MPND: variants seen among roughly 807,000 people sequenced by gnomAD.
MPND encodes the protein MPN domain containing.
Under a neutral mutation model 59.2 loss-of-function variants are expected in MPND, and 56 were observed. That is an observed-to-expected ratio of 0.95 (90% confidence interval 0.76 to 1.18). The LOEUF (loss-of-function observed/expected upper bound fraction) is 1.18, where lower values mean the gene tolerates loss of function less well. MPND is among the 50% of genes most tolerant of loss of function. The pLI is 0.00. For synonymous variants in MPND, 323 were observed against 291.9 expected (o/e 1.11, Z -1.09); for missense variants, 671 against 676.0 (o/e 0.99, Z 0.08).
At chr19:4,358,577 C>T in intron 11 of MPND, 1 of 182,652 alleles carries the variant, frequency 5.5e-6, no homozygotes, top group Non-Finnish European at 1.2e-5. Flanking sequence ...CACCTGAGGT[C>T]AGGAGTTCGA....
chr19:4,351,260 T>C (rs552876409), intron 3 of MPND, among the ~76,000 whole-genome samples: 44 of 152,204 alleles, frequency 2.9e-4, no homozygotes, highest in African/African-American at 1.0e-3. Flanking sequence ...TTCGCCACCA[T>C]GCCTGGCTAA....
chr19:4,346,449 A>G (rs1163421280), intron 3 of MPND, among the ~76,000 whole-genome samples: 1 of 151,480 alleles, frequency 6.6e-6, no homozygotes, highest in African/African-American at 2.4e-5. Flanking sequence ...ACAGGGTCTC[A>G]CTCTGTGGCC....
chr19:4,351,124 G>C (rs1568397060), intron 3 of MPND, among the ~76,000 whole-genome samples: 1 of 152,140 alleles, frequency 6.6e-6, no homozygotes, highest in Non-Finnish European at 1.5e-5. Context: ...TATTTTTGTA[G>C]ACAGAGTCTC....
intron 3 of MPND, 114 bp from the exon 4 acceptor site, chr19:4,352,783 G>C (rs953413470): frequency 9.0e-7 from 1 of 1,106,924 alleles, no homozygotes; most frequent in African/African-American, 1.6e-5. Context: ...TAGTGGTCAT[G>C]TGGGGCAATG....
chr19:4,343,960 AG>A lies in MPND; in HGVS notation c.261del (p.Glu87AspfsTer49). On this transcript the variant is annotated frameshift_variant, in exon 2 of 13. Coordinates refer to ENST00000599840, the MANE Select transcript of MPND (RefSeq NM_001300862.2). LOFTEE classifies it high-confidence loss of function. ...GTGCTCCTCAAAGACGCGCTGCTGG[AG>A]CCTGGCGCCGGGGTGCTGTCCATCT... ...LRVLLKDALL[E>X]PGAGVLSIYY... 7.2e-7 allele frequency: 1 copy of A among 1,385,398 alleles called. No individual in the cohort carries two copies. Among genetic ancestry groups the A allele is most frequent in the Non-Finnish European group, 9.4e-7 (1 of 1,068,824 alleles). 85.8% of individuals were successfully genotyped at this position (1,385,398 alleles called of 1,614,324 possible).
chr19:4,357,690 GC>G, intron 10 of MPND, 105 bp downstream of exon 10: 1 of 1,191,574 alleles, frequency 8.4e-7, no homozygotes, highest in Non-Finnish European at 1.2e-6. Context: ...GAGAGTTGGG[GC>G]CCCAGTTTCT....
chr19:4,354,604 C>A, intron 6 of MPND, 184 bp downstream of exon 6: 1 of 622,272 alleles, frequency 1.6e-6, no homozygotes, highest in South Asian at 1.9e-5. Flanking sequence ...CAGTGGCTCA[C>A]ACCTATAATC....
chr19:4,344,113 C>T lies in MPND; in HGVS notation c.294+119C>T, dbSNP rs1972133139. On this transcript the variant is annotated intron_variant, in intron 2 of 12. Coordinates refer to ENST00000599840, the MANE Select transcript of MPND (RefSeq NM_001300862.2). ...AGGGAGGGGACACTGAGGCCCGGAGCTCCCTTGCTGAGAGACGAGCCCCGG... is the reference window on the plus strand; with the variant it reads ...AGGGAGGGGACACTGAGGCCCGGAGTTCCCTTGCTGAGAGACGAGCCCCGG... The T allele has an allele frequency of 5.3e-6, 4 of 749,758 alleles. No individual in the cohort carries two copies. In the East Asian group the frequency reaches 1.2e-4, roughly 22 times the overall value. 46.4% of individuals were successfully genotyped at this position (749,758 alleles called of 1,614,324 possible). A position where few individuals can be genotyped will look rare whatever the true frequency, so the allele number is the denominator to read the frequency against.
chr19:4,354,155 C>T (rs781297691), intron 5 of MPND, 26 bp downstream of exon 5: 17 of 1,597,398 alleles, frequency 1.1e-5, no homozygotes, highest in Non-Finnish European at 1.2e-5. Context: ...AGTTCTGCCC[C>T]TGCCCCAGCT....
chr19:4,346,108 C>A (rs187516797), intron 3 of MPND, 127 bp downstream of exon 3: 126 of 762,162 alleles, frequency 1.7e-4, no homozygotes, highest in Admixed American at 9.9e-4. Context: ...GCCCTTACCA[C>A]GTGACATGCC....
chr19:4,350,347 C>T (rs1397112453), intron 3 of MPND, among the ~76,000 whole-genome samples: 6 of 151,948 alleles, frequency 3.9e-5, no homozygotes, highest in East Asian at 1.9e-4. Context: ...GGGCTTTGAC[C>T]GGGAGGAAGG....
chr19:4,343,764 G>C lies in MPND; in HGVS notation c.64G>C (p.Glu22Gln). 2 of 1,209,562 alleles carry C rather than the reference G, an allele frequency of 1.7e-6. No individual in the cohort carries two copies. The highest frequency in any genetic ancestry group is 3.4e-5 in the East Asian group (1 of 29,106). 74.9% of individuals were successfully genotyped at this position (1,209,562 alleles called of 1,614,324 possible). The change falls in exon 2 of 13, where the codon GAG becomes CAG. Residue 22 changes from glutamate (E) to glutamine (Q), a missense_variant. Glu to Gln is a conservative substitution (Grantham distance 29). Transcript: ENST00000599840. ...GGGCGAGGAGGCGCCGGAGGAGGAC[G>C]AGGACGAAGCGGAGGCCGAGGACCC... is the stretch of plus-strand genomic sequence containing the variant. ...GAGEEAPEED[E>Q]DEAEAEDPER...
At position 4,346,091 on chromosome 19, in the gene MPND, G is replaced by A; in HGVS notation, c.531+110G>A. 5 of 910,772 alleles carry A rather than the reference G, an allele frequency of 5.5e-6. No individual in the cohort carries two copies. The Admixed American group carries it at 7.1e-5, about 13-fold the overall frequency. The allele number at this position is 910,772 out of a possible 1,614,324, so 56.4% of individuals were successfully genotyped here. ...AGGTATTAGTAATATATACAAACAC[G>A]GATGGAGCCCTTACCACGTGACATG... On this transcript the variant is annotated intron_variant, in intron 3 of 12. Coordinates refer to ENST00000599840, the MANE Select transcript of MPND (RefSeq NM_001300862.2).
chr19:4,347,167 G>A (rs1369755299), intron 3 of MPND: 10 of 151,028 alleles, frequency 6.6e-5, no homozygotes, highest in African/African-American at 1.9e-4. Flanking sequence ...TGTTTTTGCT[G>A]TTATCGCCTT....
At chr19:4,356,372 C>T (rs573289738) in intron 8 of MPND, among the ~76,000 whole-genome samples, 3 of 152,060 alleles carry the variant, frequency 2.0e-5, no homozygotes, top group Admixed American at 1.3e-4. Context: ...AGCAAGACCC[C>T]GTCTCTACAA....
chr19:4,349,613 C>T (rs931343681), intron 3 of MPND, among the ~76,000 whole-genome samples: 10 of 151,960 alleles, frequency 6.6e-5, no homozygotes, highest in Non-Finnish European at 1.3e-4. Flanking sequence ...TGGGTTCAGG[C>T]GATTCTCCTG....
In MPND at chr19:4,359,213, G is replaced by A. The variant is rs1397556015; in HGVS notation, c.1377G>A (p.Gln459=). 6.2e-7 allele frequency: 1 copy of A among 1,613,268 alleles called. No individual in the cohort carries two copies. Among genetic ancestry groups the A allele is most frequent in the African/African-American group, 1.3e-5 (1 of 74,862 alleles). Residue 459 remains glutamine (Q), a synonymous_variant, in exon 12 of 13, where the codon CAG becomes CAA. Transcript: ENST00000599840. The stretch of plus-strand genomic sequence containing the variant: ...GTTCCCCTGACCTCGTGAGGCTCCA[G>A]GAACCCTGGAGCCAGGAGCACACCT... ...YKGSPDLVRL[Q]EPWSQEHTYL... is the part of the protein sequence containing the mutation.
chr19:4,354,217 G>T (rs1176223138), intron 5 of MPND, 88 bp downstream of exon 5: 20 of 1,513,876 alleles, frequency 1.3e-5, no homozygotes, highest in Non-Finnish European at 1.6e-5. Context: ...GTGGGGGGTG[G>T]GACAGAGCCT....
At position 4,352,883 on chromosome 19, in the gene MPND, C is replaced by T; in HGVS notation, c.532-14C>T. 1.5e-6 allele frequency: 2 copies of T among 1,359,946 alleles called. No homozygotes were observed. Among genetic ancestry groups the T allele is most frequent in the Non-Finnish European group, 1.9e-6 (2 of 1,046,992 alleles). The allele number at this position is 1,359,946 out of a possible 1,614,324, so 84.2% of individuals were successfully genotyped here. On this transcript the variant is annotated splice_polypyrimidine_tract_variant and intron_variant, in intron 3 of 12. Coordinates refer to ENST00000599840, the MANE Select transcript of MPND (RefSeq NM_001300862.2). The stretch of plus-strand genomic sequence containing the variant: ...GAGGGTCCCACCGCTGTCCCTGACC[C>T]CTAACCCCTGCAGAGCCCAGCCAGT...
Sources: gnomAD v4.1 joint callset for allele counts (sites outside exome capture counted in the v4.1 genomes callset) on GRCh38, gnomAD v4.1.1 for gene constraint, MANE v1.5 for transcripts, NCBI Gene and HGNC (gene_info 2026-07-23, HGNC 2026-07-21) for gene names.